DCLRE1C: variants seen among roughly 807,000 people sequenced by gnomAD.
DCLRE1C encodes the protein protein artemis.
In DCLRE1C, 47 loss-of-function variants were observed where a neutral mutation model predicts 61.4. The observed-to-expected ratio is 0.77, with a 90% CI of 0.61 to 0.98. The LOEUF is 0.98. Ranked by LOEUF, DCLRE1C falls within the 50% of genes least tolerant of loss-of-function variation. The pLI, the probability that DCLRE1C is intolerant of heterozygous loss-of-function variation, is 0.00. For missense variants in DCLRE1C, 858 were observed against 816.0 expected (o/e 1.05, Z -0.63); for synonymous variants, 337 against 287.6 (o/e 1.17, Z -1.74).
At chr10:14,912,720 C>T (rs78242324) in intron 13 of DCLRE1C, among the ~76,000 whole-genome samples, 3,802 of 152,328 alleles carry the variant, frequency 0.025, 127 homozygotes, top group East Asian at 0.17. Context: ...GACAGAGTCT[C>T]GCTCTGTCGC....
chr10:14,920,979 T>C (rs1388042929), intron 12 of DCLRE1C, among the ~76,000 whole-genome samples: 4 of 146,522 alleles, frequency 2.7e-5, no homozygotes, highest in Non-Finnish European at 6.0e-5. Context: ...CCAGACTCTG[T>C]CTCAAAAAAA....
Position 14,908,656 on chromosome 10 carries a change from CTTTATCTCTGCTTTTCAAA to C in DCLRE1C, c.1812_1830del (p.Asp604GlufsTer3). On this transcript the variant is annotated frameshift_variant, in exon 14 of 14. Transcript: ENST00000378278. LOFTEE classifies it low-confidence loss of function (END_TRUNC). Reference sequence around the variant, plus strand: ...CCAGTACTAGGAACTATTGTCACATCTTTATCTCTGCTTTTCAAATCAGAGTAAGTATCCTTTGGGCAAA... The same window carrying C: ...CCAGTACTAGGAACTATTGTCACATCTCAGAGTAAGTATCCTTTGGGCAAA... 1 of 1,614,166 alleles carries C rather than the reference CTTTATCTCTGCTTTTCAAA, an allele frequency of 6.2e-7. No homozygotes were observed. The highest frequency in any genetic ancestry group is 8.5e-7 in the Non-Finnish European group (1 of 1,180,028).
chr10:14,935,679 T>G, intron 5 of DCLRE1C, 115 bp from the exon 6 acceptor site: 3 of 1,039,134 alleles, frequency 2.9e-6, no homozygotes, highest in Non-Finnish European at 4.5e-6. Context: ...TACAATACAA[T>G]GGTAATGGAA....
Position 14,919,825 on chromosome 10 carries a change from G to A in DCLRE1C, c.1069C>T (p.Pro357Ser). ...TMDKVVEILK[P>S]LCRSSQSTEP... ...GTACTTTGGGAAGACCGGCATAAAG[G>A]CTTTAAGCTGAAATGAATCAGAATA... The change falls in exon 13 of 14, where the codon CCT becomes TCT. Residue 357 changes from proline to serine, a missense_variant. This residue lies in a region of DCLRE1C where 843 missense variants were observed against 783.5 expected (regional missense o/e 1.08). Transcript: ENST00000378278. 14 of 1,611,758 alleles carry A rather than the reference G, an allele frequency of 8.7e-6. No individual in the cohort carries two copies. Among genetic ancestry groups the A allele is most frequent in the East Asian group, 2.2e-5 (1 of 44,870 alleles).
intron 8 of DCLRE1C, among the ~76,000 whole-genome samples, chr10:14,934,110 T>G (rs1426409768): frequency 6.6e-6 from 1 of 151,972 alleles, no homozygotes; most frequent in Non-Finnish European, 1.5e-5. Flanking sequence ...GGCAGATAGC[T>G]TGAGGTCAGG....
In DCLRE1C at chr10:14,949,073, A is replaced by T. The variant is rs1379683634; in HGVS notation, c.124T>A (p.Leu42Ile). ...CTTCTTTTCAAGGTAGGGGCTCTTA[A>T]TCCTTTCATGTGATCTAAAAACAAA... ...SHCHKDHMKG[L>I]RAPTLKRRLE... Residue 42 changes from leucine (L) to isoleucine (I), a missense_variant, in exon 2 of 14, where the codon TTA becomes ATA. Physicochemically the swap from Leu to Ile is conservative, Grantham distance 5. Transcript: ENST00000378278. 1 of 1,610,580 alleles carries T rather than the reference A, an allele frequency of 6.2e-7. No individual in the cohort carries two copies. The highest frequency in any genetic ancestry group is 1.7e-5 in the Admixed American group (1 of 59,946).
At chr10:14,923,098 C>CA (rs1227838755) in intron 11 of DCLRE1C, 29 bp from the exon 12 acceptor site, 1 of 1,530,908 alleles carries the variant, frequency 6.5e-7, no homozygotes, top group Non-Finnish European at 9.1e-7. Context: ...CATGGATCAA[C>CA]AATCTCTACG....
rs757145020 is a variant in DCLRE1C at position 14,945,162 on chromosome 10, A to C, written c.189T>G (p.Pro63=). 1 of 1,613,152 alleles carries C rather than the reference A, an allele frequency of 6.2e-7. No individual in the cohort carries two copies. The highest frequency in any genetic ancestry group is 1.1e-5 in the South Asian group (1 of 90,898). The stretch of plus-strand genomic sequence containing the variant: ...TCGTTAACAACAACTCCTTAGTCAC[A>C]GGTGAACAGTATAGATAAACCTTCA... ...CSLKVYLYCS[P]VTKELLLTSP... Residue 63 remains proline, a synonymous_variant, in exon 3 of 14, where the codon CCT becomes CCG. Coordinates refer to ENST00000378278, the MANE Select transcript of DCLRE1C (RefSeq NM_001033855.3).
At chr10:14,933,520 C>T (rs1384186616) in intron 8 of DCLRE1C, among the ~76,000 whole-genome samples, 3 of 152,002 alleles carry the variant, frequency 2.0e-5, no homozygotes, top group African/African-American at 7.3e-5. Flanking sequence ...GCCTGTAATC[C>T]AAGCTACTCG....
chr10:14,931,336 G>C (rs186956721), intron 9 of DCLRE1C, among the ~76,000 whole-genome samples: 24 of 151,840 alleles, frequency 1.6e-4, no homozygotes, highest in Non-Finnish European at 2.2e-4. Context: ...CAAGGTGTGT[G>C]GTCACGAGGT....
At chr10:14,915,734 A>T (rs1467328444) in intron 13 of DCLRE1C, among the ~76,000 whole-genome samples, 1 of 152,122 alleles carries the variant, frequency 6.6e-6, no homozygotes, top group African/African-American at 2.4e-5. Flanking sequence ...ATATAATGCC[A>T]ATCCTCGAAA....
chr10:14,918,629 TA>T (rs57588352), intron 13 of DCLRE1C, among the ~76,000 whole-genome samples: 3,235 of 138,412 alleles, frequency 0.023, 36 homozygotes, highest in Admixed American at 0.048. Flanking sequence ...AGCTGTTTTT[TA>T]AAAAAAAAAA....
chr10:14,931,728 C>T (rs1486260871), intron 9 of DCLRE1C, among the ~76,000 whole-genome samples: 2 of 151,998 alleles, frequency 1.3e-5, no homozygotes, highest in East Asian at 1.9e-4. Flanking sequence ...TTTATAAACA[C>T]GCTCATGTCA....
chr10:14,927,920 T>A, intron 10 of DCLRE1C, 96 bp downstream of exon 10: 1 of 998,304 alleles, frequency 1.0e-6, no homozygotes, highest in Non-Finnish European at 1.4e-6. Context: ...TATATAATTA[T>A]ATTCTTGGGC....
chr10:14,948,490 C>T (rs898069494), intron 2 of DCLRE1C, among the ~76,000 whole-genome samples: 21 of 152,160 alleles, frequency 1.4e-4, no homozygotes, highest in African/African-American at 4.8e-4. Context: ...TATACTCTTA[C>T]AGAAATAACA....
rs200530364 is a variant in DCLRE1C at position 14,954,051 on chromosome 10, C to G, written c.-41G>C. On this transcript the variant is annotated 5_prime_UTR_variant, in exon 1 of 14. Coordinates refer to ENST00000378278, the MANE Select transcript of DCLRE1C (RefSeq NM_001033855.3). ...AGAGTCCGGGACCCCAAAACCGCAG[C>G]TGAAGCCAAGGCCAGCCCTGACCGC... The G allele has an allele frequency of 8.1e-6, 13 of 1,612,592 alleles. No homozygotes were observed. The highest frequency in any genetic ancestry group is 1.1e-5 in the Non-Finnish European group (13 of 1,179,744).
chr10:14,902,682 A>G, downstream of DCLRE1C: 1 of 510,086 alleles, frequency 2.0e-6, no homozygotes. Context: ...AAAGGGGGTC[A>G]CTGGGTCTCA....
intron 9 of DCLRE1C, among the ~76,000 whole-genome samples, chr10:14,932,075 T>C (rs976613991): frequency 6.6e-6 from 1 of 151,238 alleles, no homozygotes; most frequent in African/African-American, 2.4e-5. Flanking sequence ...ATTACAAAAA[T>C]TAGCCAGAAG....
At chr10:14,929,443 C>T (rs111267084) in intron 9 of DCLRE1C, among the ~76,000 whole-genome samples, 25,288 of 144,226 alleles carry the variant, frequency 0.18, 2,204 homozygotes, top group Middle Eastern at 0.23. Flanking sequence ...AAAAAAAGAT[C>T]TCAGCCTGGG....
Sources: gnomAD v4.1 joint callset for allele counts (sites outside exome capture counted in the v4.1 genomes callset) on GRCh38, gnomAD v4.1.1 for gene constraint, gnomAD v4.1.1 regional missense constraint, MANE v1.5 for transcripts, NCBI Gene and HGNC (gene_info 2026-07-23, HGNC 2026-07-21) for gene names.